The following GPR39 variants were observed in gnomAD, a reference collection of about 807,000 sequenced individuals.
The protein encoded by GPR39 is zinc sensing receptor.
A neutral mutation model predicts 18.4 loss-of-function variants in GPR39; 23 were observed. The ratio of observed to expected loss-of-function variants is 1.25; its 90% CI spans 0.90 to 1.77. The LOEUF is 1.77. Among genes scored for constraint, GPR39 ranks in the 40% most tolerant of loss-of-function variants. GPR39 has a pLI of 0.00. For missense variants in GPR39, 647 were observed against 602.4 expected, an observed-to-expected ratio of 1.07 and a Z score of -0.78; for synonymous variants, 280 against 257.9, an observed-to-expected ratio of 1.09 and a Z score of -0.82.
At chr2:132,514,843 T>C (rs1051060353) in intron 1 of GPR39, among the ~76,000 whole-genome samples, 3 of 152,220 alleles carry the variant, frequency 2.0e-5, no homozygotes, top group Admixed American at 6.5e-5. Context: ...GGTAACAAAT[T>C]GAACAATCCT....
intron 1 of GPR39, among the ~76,000 whole-genome samples, chr2:132,423,757 C>A (rs1191809596): frequency 2.6e-5 from 4 of 152,202 alleles, no homozygotes; most frequent in Non-Finnish European, 4.4e-5. Context: ...TTTAATTGTG[C>A]AATTACTCGA....
chr2:132,625,960 C>A (rs1339933248), intron 1 of GPR39, among the ~76,000 whole-genome samples: 1 of 151,818 alleles, frequency 6.6e-6, no homozygotes, highest in African/African-American at 2.4e-5. Context: ...ATTATCTGGG[C>A]GTGGTGGTGG....
chr2:132,592,540 T>G lies in GPR39; in HGVS notation c.857-52561T>G, dbSNP rs530819560. 4.6e-5 allele frequency among the ~76,000 whole-genome samples: 7 copies of G among 152,274 alleles called. No individual in the cohort carries two copies. The East Asian group carries it at 9.7e-4, about 21-fold the overall frequency. ...AAAGACTTCATCTTTTTCTTGGAGC[T>G]GGATGCAGAGCCATTGGGAGGGCTT... On this transcript the variant is annotated intron_variant, in intron 1 of 1. Coordinates refer to ENST00000329321, the MANE Select transcript of GPR39 (RefSeq NM_001508.3).
At chr2:132,481,138 G>C (rs1468671653) in intron 1 of GPR39, among the ~76,000 whole-genome samples, 1 of 152,146 alleles carries the variant, frequency 6.6e-6, no homozygotes, top group African/African-American at 2.4e-5. Context: ...TTTTAGTGTG[G>C]CATCTTATTC....
intron 1 of GPR39, among the ~76,000 whole-genome samples, chr2:132,445,433 G>A (rs1290146674): frequency 6.6e-6 from 1 of 152,124 alleles, no homozygotes; most frequent in Non-Finnish European, 1.5e-5. Flanking sequence ...TTTCCATGAT[G>A]CAAGCAAGAT....
At chr2:132,490,502 A>G (rs930322932) in intron 1 of GPR39, among the ~76,000 whole-genome samples, 3 of 151,994 alleles carry the variant, frequency 2.0e-5, no homozygotes, top group Non-Finnish European at 2.9e-5. Flanking sequence ...AGGGTTTGAT[A>G]GTGAAAAAGA....
chr2:132,481,687 A>T (rs558061869), intron 1 of GPR39, among the ~76,000 whole-genome samples: 126 of 152,324 alleles, frequency 8.3e-4, no homozygotes, highest in African/African-American at 3.0e-3. Context: ...TAGGCTTTGG[A>T]GAACAGGTTA....
At chr2:132,473,074 C>G (rs759374997) in intron 1 of GPR39, among the ~76,000 whole-genome samples, 20 of 152,226 alleles carry the variant, frequency 1.3e-4, no homozygotes, top group Middle Eastern at 3.4e-3. Context: ...TCTCTGTTCC[C>G]CTGGTATCTT....
intron 1 of GPR39, among the ~76,000 whole-genome samples, chr2:132,453,178 T>C (rs1024110502): frequency 3.9e-5 from 6 of 152,226 alleles, no homozygotes; most frequent in Non-Finnish European, 5.9e-5. Context: ...ACATTCTAAC[T>C]GATGTGAGAT....
At chr2:132,579,676 A>G (rs1680591508) in intron 1 of GPR39, among the ~76,000 whole-genome samples, 1 of 152,094 alleles carries the variant, frequency 6.6e-6, no homozygotes, top group Non-Finnish European at 1.5e-5. Flanking sequence ...GACCTCGTTG[A>G]CTAAAAATTG....
chr2:132,586,449 G>C (rs1448259216), intron 1 of GPR39, among the ~76,000 whole-genome samples: 1 of 152,128 alleles, frequency 6.6e-6, no homozygotes. Flanking sequence ...TCTTCCTTAG[G>C]AGGAATTTGC....
intron 1 of GPR39, among the ~76,000 whole-genome samples, chr2:132,440,882 C>G (rs1300284537): frequency 6.6e-6 from 1 of 152,170 alleles, no homozygotes. Context: ...TTTCCACAAC[C>G]GGTGTGTGTG....
In GPR39 at chr2:132,417,386, T is replaced by A; in HGVS notation, c.344T>A (p.Phe115Tyr). 6.2e-7 allele frequency: 1 copy of A among 1,614,182 alleles called. No individual in the cohort carries two copies. Among genetic ancestry groups the A allele is most frequent in the Non-Finnish European group, 8.5e-7 (1 of 1,180,032 alleles). Reference protein sequence around the residue: ...TLSCKLHTFLFEACSYATLLH... With the variant: ...TLSCKLHTFLYEACSYATLLH... Reference sequence around the variant, plus strand: ...TCCTGCAAGCTGCACACTTTCCTCTTCGAGGCCTGCAGCTACGCTACGCTG... The same window carrying A: ...TCCTGCAAGCTGCACACTTTCCTCTACGAGGCCTGCAGCTACGCTACGCTG... Residue 115 changes from phenylalanine (F) to tyrosine (Y), a missense_variant, in exon 1 of 2, where the codon TTC becomes TAC. By Grantham distance (22) the Phe-to-Tyr change is conservative (BLOSUM62 3). Transcript: ENST00000329321.
chr2:132,577,175 G>A (rs767351485), intron 1 of GPR39, among the ~76,000 whole-genome samples: 10 of 151,708 alleles, frequency 6.6e-5, no homozygotes, highest in Admixed American at 2.6e-4. Flanking sequence ...TGGGCAACAC[G>A]GTGAAACCCC....
chr2:132,438,689 GA>G (rs1169152852), intron 1 of GPR39, among the ~76,000 whole-genome samples: 1 of 143,172 alleles, frequency 7.0e-6, no homozygotes, highest in Non-Finnish European at 1.5e-5. Flanking sequence ...GCCCTTTAAA[GA>G]AAAAAATTTA....
chr2:132,451,146 G>GCT (rs2104770833), intron 1 of GPR39, among the ~76,000 whole-genome samples: 1 of 61,998 alleles, frequency 1.6e-5, no homozygotes, highest in South Asian at 5.1e-4. Flanking sequence ...TATCTTTGAG[G>GCT]CTGTGTGTGT....
At chr2:132,529,289 G>A (rs576135462) in intron 1 of GPR39, among the ~76,000 whole-genome samples, 15 of 152,288 alleles carry the variant, frequency 9.8e-5, no homozygotes, top group South Asian at 8.3e-4. Context: ...ACTGCAAGGC[G>A]GCAGCGAGGC....
intron 1 of GPR39, among the ~76,000 whole-genome samples, chr2:132,527,067 G>A (rs1172218738): frequency 6.6e-6 from 1 of 152,024 alleles, no homozygotes; most frequent in East Asian, 1.9e-4. Flanking sequence ...GCCCCGCATG[G>A]ATTAGGTATT....
At chr2:132,473,811 C>T (rs1681076827) in intron 1 of GPR39, among the ~76,000 whole-genome samples, 1 of 152,164 alleles carries the variant, frequency 6.6e-6, no homozygotes, top group Non-Finnish European at 1.5e-5. Context: ...GCACTAATCT[C>T]TTCAGTTGTT....
Sources: gnomAD v4.1 joint callset for allele counts (sites outside exome capture counted in the v4.1 genomes callset) on GRCh38, gnomAD v4.1.1 for gene constraint, MANE v1.5 for transcripts, NCBI Gene and HGNC (gene_info 2026-07-23, HGNC 2026-07-21) for gene names.